SLCO1A2: variants seen among roughly 807,000 people sequenced by gnomAD.
SLCO1A2 encodes the protein OATP-1.
A neutral mutation model predicts 69.0 loss-of-function variants in SLCO1A2; 67 were observed. The ratio of observed to expected loss-of-function variants is 0.97; its 90% confidence interval spans 0.80 to 1.19. The LOEUF is 1.19. Among genes scored for constraint, SLCO1A2 ranks in the 50% most tolerant of loss-of-function variants. The pLI is 0.00. For missense variants in SLCO1A2, 787 were observed against 793.7 expected, an observed-to-expected ratio of 0.99 and a Z score of 0.10; for synonymous variants, 260 against 265.9, an observed-to-expected ratio of 0.98 and a Z score of 0.22.
intron 2 of SLCO1A2, among the ~76,000 whole-genome samples, chr12:21,354,295 A>G (rs1241649673): frequency 6.6e-6 from 1 of 152,168 alleles, no homozygotes; most frequent in Non-Finnish European, 1.5e-5. Flanking sequence ...TTCAATGAAC[A>G]TGTGTTTAGT....
At chr12:21,290,722 AAT>A (rs1405781977) in intron 12 of SLCO1A2, among the ~76,000 whole-genome samples, 1 of 152,160 alleles carries the variant, frequency 6.6e-6, no homozygotes, top group Non-Finnish European at 1.5e-5. Flanking sequence ...AATTTAAGGG[AAT>A]ATTTTTATAA....
intron 1 of SLCO1A2, chr12:21,378,556 T>G (rs1167876134): frequency 2.7e-6 from 2 of 735,048 alleles, no homozygotes; most frequent in Non-Finnish European, 4.7e-6. Flanking sequence ...GACATATACC[T>G]TCTCAAAAGA....
upstream of SLCO1A2, among the ~76,000 whole-genome samples, chr12:21,399,871 C>T (rs1349601495): frequency 7.0e-5 from 10 of 143,344 alleles, no homozygotes; most frequent in Middle Eastern, 3.6e-3. Context: ...ATACAAAAAT[C>T]AATTCAAGAT....
rs143865125 is a variant in SLCO1A2, at chr12:21,268,453, A to C, written c.*1095T>G. ...ACAGGAAGGAGAGTAAGGAGTAGAC[A>C]AACAGGTATTTGTCTGTTCATTCTA... On this transcript the variant is annotated 3_prime_UTR_variant, in exon 15 of 15. Transcript: ENST00000683939. 1 of 152,244 alleles carries C rather than the reference A, an allele frequency of 6.6e-6. No homozygotes were observed. The highest frequency in any genetic ancestry group is 1.9e-4 in the East Asian group (1 of 5,190). The allele number at this position is 152,244 out of a possible 1,614,324, so 9.4% of individuals were successfully genotyped here.
chr12:21,297,387 G>C lies in SLCO1A2; in HGVS notation c.1075+17C>G, dbSNP rs200461072. The C allele has an allele frequency of 1.9e-6, 3 of 1,600,342 alleles. No individual in the cohort carries two copies. Among genetic ancestry groups the C allele is most frequent in the East Asian group, 2.2e-5 (1 of 44,504 alleles). On this transcript the variant is annotated intron_variant, in intron 9 of 14. Coordinates refer to ENST00000683939, the MANE Select transcript of SLCO1A2 (RefSeq NM_001386879.1). ...GGGGGGAAAGTGTGCTAGTAAGGCA[G>C]AGAAAAACAAACATACCCATTAGAA...
chr12:21,322,609 G>A (rs528637365), intron 2 of SLCO1A2, among the ~76,000 whole-genome samples: 171 of 152,146 alleles, frequency 1.1e-3, no homozygotes, highest in African/African-American at 1.8e-3. Flanking sequence ...GTTCTATCAT[G>A]CGGATAAAGC....
intron 2 of SLCO1A2, among the ~76,000 whole-genome samples, chr12:21,368,212 T>C (rs1401487995): frequency 6.6e-6 from 1 of 152,092 alleles, no homozygotes; most frequent in Non-Finnish European, 1.5e-5. Context: ...ACCAAAATAA[T>C]GGAAGCCGAA....
At chr12:21,288,249 C>T (rs928911764) in intron 12 of SLCO1A2, among the ~76,000 whole-genome samples, 9 of 152,010 alleles carry the variant, frequency 5.9e-5, no homozygotes, top group South Asian at 2.1e-4. Context: ...CAAGACCAGC[C>T]GGGCCAACAT....
At chr12:21,412,716 T>C (rs538517170) in intron 1 of SLCO1A2, among the ~76,000 whole-genome samples, 1 of 152,150 alleles carries the variant, frequency 6.6e-6, no homozygotes, top group South Asian at 2.1e-4. Flanking sequence ...TCTTGTAGAG[T>C]GTTAAAGTGA....
In SLCO1A2 at chr12:21,350,835, C is replaced by CCA. The variant is rs1413971950; in HGVS notation, c.-62-16127_-62-16126insTG. On this transcript the variant is annotated intron_variant, in intron 2 of 15. Transcript: ENST00000307378. ...CTGGTGACAGAGCAAGACTCTGTCT[C>CCA]AAAAAAAAAAAAAAAAAAAAAAAAA... Among the ~76,000 whole-genome samples the CCA allele has an allele frequency of 6.5e-3, 266 of 40,730 alleles. 10 individuals carry two copies. The highest frequency in any genetic ancestry group is 8.8e-3 in the Non-Finnish European group (214 of 24,192). The allele number at this position is 40,730 out of a possible 152,430, so 26.7% of individuals were successfully genotyped here.
At chr12:21,269,793 T>C in intron 14 of SLCO1A2, 26 bp from the exon 15 acceptor site, 2 of 1,567,948 alleles carry the variant, frequency 1.3e-6, no homozygotes, top group Non-Finnish European at 1.7e-6. Flanking sequence ...TTAAAACATA[T>C]TAAATATTAC....
At chr12:21,418,791 G>C (rs926706696), upstream of SLCO1A2, among the ~76,000 whole-genome samples, 1 of 152,054 alleles carries the variant, frequency 6.6e-6, no homozygotes, top group Non-Finnish European at 1.5e-5. Context: ...AGAAGTAAGG[G>C]GGTTTCTACT....
intron 1 of SLCO1A2, among the ~76,000 whole-genome samples, chr12:21,390,282 TG>T (rs1209305670): frequency 6.6e-6 from 1 of 152,088 alleles, no homozygotes; most frequent in Admixed American, 6.5e-5. Flanking sequence ...TACATAGATA[TG>T]AGTTTCTAAA....
intron 1 of SLCO1A2, among the ~76,000 whole-genome samples, chr12:21,405,856 A>C (rs1941815338): frequency 6.6e-6 from 1 of 152,260 alleles, no homozygotes; most frequent in South Asian, 2.1e-4. Flanking sequence ...ACCCAGCACT[A>C]GCATGAGTAG....
chr12:21,359,824 A>G (rs35197974), intron 2 of SLCO1A2, among the ~76,000 whole-genome samples: 7,853 of 152,266 alleles, frequency 0.052, 285 homozygotes, highest in Non-Finnish European at 0.079. Flanking sequence ...GCATGTGTCA[A>G]CACAAAGACT....
Position 21,274,457 on chromosome 12 carries a change from TA to T in SLCO1A2, c.1793+11del. 1 of 1,551,202 alleles carries T rather than the reference TA, an allele frequency of 6.4e-7. No individual in the cohort carries two copies. Among genetic ancestry groups the T allele is most frequent in the Non-Finnish European group, 8.9e-7 (1 of 1,122,992 alleles). On this transcript the variant is annotated intron_variant, in intron 14 of 14. Transcript: ENST00000683939. Reference sequence around the variant, plus strand: ...GCTTATAAAACAATTTTAAACAAATTATTATCTTTACCTGAAGGTGGTGGAA... The same window carrying T: ...GCTTATAAAACAATTTTAAACAAATTTTATCTTTACCTGAAGGTGGTGGAA...
chr12:21,376,392 G>T (rs1324064806), intron 1 of SLCO1A2: 1 of 305,476 alleles, frequency 3.3e-6, no homozygotes, highest in South Asian at 2.6e-5. Flanking sequence ...CAATGCAAAT[G>T]TATGAAATTA....
At chr12:21,406,924 T>C (rs954284734) in intron 1 of SLCO1A2, among the ~76,000 whole-genome samples, 13 of 152,114 alleles carry the variant, frequency 8.5e-5, no homozygotes, top group Non-Finnish European at 5.9e-5. Flanking sequence ...AAACATATGG[T>C]AGTTTATATA....
chr12:21,334,774 G>A (rs996124259), intron 1 of SLCO1A2, 53 bp downstream of exon 1: 1 of 703,666 alleles, frequency 1.4e-6, no homozygotes, highest in Non-Finnish European at 2.3e-6. Flanking sequence ...TTCTTTTGAA[G>A]TAAGTGCTGA....
Sources: gnomAD v4.1 joint callset for allele counts (sites outside exome capture counted in the v4.1 genomes callset) on GRCh38, gnomAD v4.1.1 for gene constraint, MANE v1.5 for transcripts, NCBI Gene and HGNC (gene_info 2026-07-23, HGNC 2026-07-21) for gene names.